The following RASEF variants were observed in gnomAD, a reference collection of about 807,000 sequenced individuals.
RASEF encodes RAS and EF-hand domain containing.
Under a neutral mutation model 90.1 loss-of-function variants are expected in RASEF, and 68 were observed. The observed-to-expected ratio is 0.75, with a 90% CI of 0.62 to 0.92. RASEF has a LOEUF of 0.92. Ranked by LOEUF, RASEF falls within the 40% of genes least tolerant of loss-of-function variation. The pLI, the probability that RASEF is intolerant of heterozygous loss-of-function variation, is 0.00. For missense variants in RASEF, 949 were observed against 937.2 expected (o/e 1.01, Z -0.16); for synonymous variants, 331 against 345.2 (o/e 0.96, Z 0.46).
chr9:83,000,447 C>G lies in RASEF; in HGVS notation c.1561G>C (p.Ala521Pro), dbSNP rs77070682. 8.1e-6 allele frequency: 13 copies of G among 1,613,988 alleles called. No individual in the cohort carries two copies. Among genetic ancestry groups the G allele is most frequent in the African/African-American group, 1.3e-5 (1 of 75,012 alleles). Reference protein sequence around the residue: ...IVSSSRKPISALSPQTDLVDD... With the variant: ...IVSSSRKPISPLSPQTDLVDD... ...AGACCACCTACCTGGGGCGAGAGTG[C>G]TGAGATGGGCTTTCTTGATGAACTA... is the stretch of plus-strand genomic sequence containing the variant. The change falls in exon 11 of 17, where the codon GCA (alanine) becomes CCA (proline). Residue 521 changes from alanine to proline, a missense_variant. By Grantham distance (27) the Ala-to-Pro change is conservative. Coordinates refer to ENST00000376447, the MANE Select transcript of RASEF (RefSeq NM_152573.4).
the RASEF span, among the ~76,000 whole-genome samples, chr9:83,155,068 C>A: frequency 6.6e-6 from 1 of 152,172 alleles, no homozygotes; most frequent in South Asian, 2.1e-4. Flanking sequence ...CAAGGGAGAA[C>A]ACTTATGTCA....
the RASEF span, among the ~76,000 whole-genome samples, chr9:83,108,359 C>T: frequency 2.2e-4 from 34 of 152,282 alleles, no homozygotes; most frequent in African/African-American, 7.7e-4. Flanking sequence ...CTATGGCCCC[C>T]TGGACAACCC....
chr9:83,145,758 A>G, the RASEF span, among the ~76,000 whole-genome samples: 1 of 152,124 alleles, frequency 6.6e-6, no homozygotes, highest in African/African-American at 2.4e-5. Context: ...ATAAGGCCAC[A>G]AGTTAGGTTA....
intron 1 of RASEF, among the ~76,000 whole-genome samples, chr9:83,031,297 GGTAA>G (rs1829641698): frequency 6.6e-6 from 1 of 151,994 alleles, no homozygotes; most frequent in Non-Finnish European, 1.5e-5. Context: ...TTTATGAGCG[GGTAA>G]GTCTTAACAA....
intron 9 of RASEF, among the ~76,000 whole-genome samples, chr9:83,003,784 T>A (rs1380052390): frequency 6.6e-6 from 1 of 152,144 alleles, no homozygotes; most frequent in Non-Finnish European, 1.5e-5. Flanking sequence ...AATCTGAAAG[T>A]CACAAAGAAA....
chr9:83,163,128 C>T, the RASEF span, among the ~76,000 whole-genome samples: 1 of 152,202 alleles, frequency 6.6e-6, no homozygotes, highest in East Asian at 1.9e-4. Flanking sequence ...CCCACTGTTT[C>T]CATCCTATTC....
chr9:83,191,077 GA>G, the RASEF span, among the ~76,000 whole-genome samples: 1 of 152,114 alleles, frequency 6.6e-6, no homozygotes, highest in African/African-American at 2.4e-5. Flanking sequence ...CCTAGAAGAA[GA>G]AAAGAAATTT....
the RASEF span, among the ~76,000 whole-genome samples, chr9:83,143,261 C>A: frequency 1.3e-5 from 2 of 152,078 alleles, no homozygotes; most frequent in Non-Finnish European, 2.9e-5. Context: ...AGCTTCTGCA[C>A]AGCAGAAGAA....
chr9:83,034,139 G>A (rs1829697517), intron 1 of RASEF, among the ~76,000 whole-genome samples: 1 of 152,134 alleles, frequency 6.6e-6, no homozygotes, highest in Non-Finnish European at 1.5e-5. Flanking sequence ...TTGCTTTCTA[G>A]ACAGGATGAC....
At chr9:83,077,330 A>C in the RASEF span, among the ~76,000 whole-genome samples, 1 of 152,222 alleles carries the variant, frequency 6.6e-6, no homozygotes, top group Non-Finnish European at 1.5e-5. Flanking sequence ...TACACATGCC[A>C]AATTAATATG....
chr9:83,158,263 A>G, the RASEF span, among the ~76,000 whole-genome samples: 2 of 152,168 alleles, frequency 1.3e-5, no homozygotes, highest in Admixed American at 1.3e-4. Context: ...TTCTCCTAAA[A>G]TTGAAACATC....
At chr9:83,076,494 A>G in the RASEF span, among the ~76,000 whole-genome samples, 3 of 152,064 alleles carry the variant, frequency 2.0e-5, no homozygotes, top group East Asian at 3.9e-4. Flanking sequence ...CCCCACCAAC[A>G]TATTTGTTGA....
the RASEF span, among the ~76,000 whole-genome samples, chr9:83,209,125 G>C: frequency 6.6e-6 from 1 of 152,182 alleles, no homozygotes; most frequent in African/African-American, 2.4e-5. Flanking sequence ...GAGTCACTTT[G>C]GACACTTCAA....
At chr9:83,113,891 C>A in the RASEF span, among the ~76,000 whole-genome samples, 1 of 152,188 alleles carries the variant, frequency 6.6e-6, no homozygotes, top group Admixed American at 6.5e-5. Flanking sequence ...CCCTTTGAAG[C>A]ATGTGATCCT....
chr9:83,062,339 A>AG (rs10573978), intron 1 of RASEF, 98 bp downstream of exon 1: 65 of 1,060,280 alleles, frequency 6.1e-5, no homozygotes, highest in African/African-American at 6.0e-4. Context: ...AGAGAAGACT[A>AG]GGGGGGGGGG....
the RASEF span, among the ~76,000 whole-genome samples, chr9:83,170,028 C>G: frequency 6.6e-6 from 1 of 151,962 alleles, no homozygotes; most frequent in African/African-American, 2.4e-5. Context: ...AATGGTTCCC[C>G]AATATTTTCT....
rs1414971062 is a variant in RASEF at position 82,982,625 on chromosome 9, C to A, written c.*52G>T. 16 of 1,024,440 alleles carry A rather than the reference C, an allele frequency of 1.6e-5. No homozygotes were observed. The highest frequency in any genetic ancestry group is 1.9e-5 in the Non-Finnish European group (12 of 643,172). 63.5% of individuals were successfully genotyped at this position (1,024,440 alleles called of 1,614,324 possible). A position where few individuals can be genotyped will look rare whatever the true frequency, so the allele number is the denominator to read the frequency against. ...TCTGTTAAGAGCCAAATAAGTCACACAAATTCAGTATTCTGGAAATGAAGA... is the reference window on the plus strand; with the variant it reads ...TCTGTTAAGAGCCAAATAAGTCACAAAAATTCAGTATTCTGGAAATGAAGA... On this transcript the variant is annotated 3_prime_UTR_variant, in exon 17 of 17. Coordinates refer to ENST00000376447, the MANE Select transcript of RASEF (RefSeq NM_152573.4).
chr9:83,099,048 A>T, the RASEF span, among the ~76,000 whole-genome samples: 1 of 152,140 alleles, frequency 6.6e-6, no homozygotes, highest in Admixed American at 6.5e-5. Context: ...GGATAATCAA[A>T]TCCTCTATAT....
intron 15 of RASEF, among the ~76,000 whole-genome samples, chr9:82,992,432 T>C (rs1196474252): frequency 6.6e-6 from 1 of 152,232 alleles, no homozygotes; most frequent in African/African-American, 2.4e-5. Flanking sequence ...ATTTTTTATA[T>C]CAACTAAACA....
Sources: gnomAD v4.1 joint callset for allele counts (sites outside exome capture counted in the v4.1 genomes callset) on GRCh38, gnomAD v4.1.1 for gene constraint, MANE v1.5 for transcripts, NCBI Gene and HGNC (gene_info 2026-07-23, HGNC 2026-07-21) for gene names.